Variants in ANXA4 observed in about 807,000 individuals in gnomAD.
ANXA4 encodes 35-beta calcimedin.
A neutral mutation model predicts 49.8 loss-of-function variants in ANXA4; 39 were observed. The ratio of observed to expected loss-of-function variants is 0.78; its 90% CI spans 0.61 to 1.02. The LOEUF is 1.02. ANXA4 is among the 50% of genes least tolerant of loss of function. The pLI is 0.00. For missense variants in ANXA4, 360 were observed against 410.1 expected (o/e 0.88, Z 1.05); for synonymous variants, 134 against 152.5 (o/e 0.88, Z 0.89).
At chr2:69,645,580 A>G (rs1675978520) in intron 1 of ANXA4, among the ~76,000 whole-genome samples, 1 of 152,210 alleles carries the variant, frequency 6.6e-6, no homozygotes, top group Non-Finnish European at 1.5e-5. Context: ...TTACCTTTCT[A>G]GACTTCTCTG....
chr2:69,716,356 T>C (rs1669618688), intron 2 of ANXA4, among the ~76,000 whole-genome samples: 1 of 152,052 alleles, frequency 6.6e-6, no homozygotes, highest in South Asian at 2.1e-4. Context: ...AAAGTCTTCA[T>C]AGAACAGGTG....
At chr2:69,712,419 C>T (rs1218713886) in intron 2 of ANXA4, among the ~76,000 whole-genome samples, 1 of 152,192 alleles carries the variant, frequency 6.6e-6, no homozygotes, top group East Asian at 1.9e-4. Flanking sequence ...AGGAAAATAG[C>T]TTTAATAGCC....
At chr2:69,720,164 G>A (rs1287628294) in intron 2 of ANXA4, among the ~76,000 whole-genome samples, 1 of 152,172 alleles carries the variant, frequency 6.6e-6, no homozygotes, top group East Asian at 1.9e-4. Context: ...TGTTTCATAT[G>A]CTCAGGACTT....
intron 1 of ANXA4, among the ~76,000 whole-genome samples, chr2:69,754,595 T>C (rs888468706): frequency 6.6e-6 from 1 of 152,084 alleles, no homozygotes; most frequent in Non-Finnish European, 1.5e-5. Context: ...CTGGATCCCA[T>C]CCCCAGAGTT....
At chr2:69,711,799 T>C (rs1678685993) in intron 2 of ANXA4, among the ~76,000 whole-genome samples, 1 of 151,916 alleles carries the variant, frequency 6.6e-6, no homozygotes, top group African/African-American at 2.4e-5. Flanking sequence ...GAAATAGGAC[T>C]TGAAGGGTGT....
At chr2:69,705,807 C>G (rs1171863746) in intron 2 of ANXA4, among the ~76,000 whole-genome samples, 1 of 152,216 alleles carries the variant, frequency 6.6e-6, no homozygotes, top group South Asian at 2.1e-4. Flanking sequence ...TGCCGGGCAC[C>G]TGTAGTCCCA....
At chr2:69,717,335 A>G (rs530615278) in intron 2 of ANXA4, among the ~76,000 whole-genome samples, 28 of 152,234 alleles carry the variant, frequency 1.8e-4, no homozygotes, top group Non-Finnish European at 3.8e-4. Context: ...AACTCCCACC[A>G]TGGCCCCTTT....
At position 69,810,667 on chromosome 2, in the gene ANXA4, G is replaced by A. The variant is rs1448407837; in HGVS notation, c.471G>A (p.Leu157=). The A allele has an allele frequency of 6.2e-7, 1 of 1,613,694 alleles. No individual in the cohort carries two copies. The highest frequency in any genetic ancestry group is 1.1e-5 in the South Asian group (1 of 91,074). Residue 157 remains leucine, a synonymous_variant, in exon 7 of 13, where the codon CTG becomes CTA. Coordinates refer to ENST00000394295, the MANE Select transcript of ANXA4 (RefSeq NM_001153.5). ...SFMFQRVLVS[L]SAGGRDEGNY... is the part of the protein sequence containing the mutation. Reference sequence around the variant, plus strand: ...TGTTCCAGCGAGTGCTGGTGTCTCTGTCAGCTGTGAGTGACTGCTTCTGAT... The same window carrying A: ...TGTTCCAGCGAGTGCTGGTGTCTCTATCAGCTGTGAGTGACTGCTTCTGAT...
intron 2 of ANXA4, among the ~76,000 whole-genome samples, chr2:69,656,901 T>G (rs368488461): frequency 4.6e-5 from 7 of 152,120 alleles, no homozygotes; most frequent in African/African-American, 1.7e-4. Flanking sequence ...ACAGTAGAAA[T>G]CTACAGCCTT....
intron 1 of ANXA4, among the ~76,000 whole-genome samples, chr2:69,759,781 C>G (rs987712200): frequency 6.6e-6 from 1 of 152,100 alleles, no homozygotes; most frequent in Non-Finnish European, 1.5e-5. Flanking sequence ...CATATATTAT[C>G]TTTAAAATTT....
chr2:69,788,260 G>T lies in ANXA4; in HGVS notation c.97+119G>T, dbSNP rs1242156073. 5 of 872,774 alleles carry T rather than the reference G, an allele frequency of 5.7e-6. No individual in the cohort carries two copies. In the African/African-American group the frequency reaches 8.3e-5, roughly 14 times the overall value. 54.1% of individuals were successfully genotyped at this position (872,774 alleles called of 1,614,324 possible). ...CTTCCTTTAATAAAACACAAGGGAG[G>T]CTGGGTGTGGGGCTCATGCCTGTCA... On this transcript the variant is annotated intron_variant, in intron 3 of 12. Coordinates refer to ENST00000394295, the MANE Select transcript of ANXA4 (RefSeq NM_001153.5).
At chr2:69,693,053 T>C (rs1416452597) in intron 2 of ANXA4, among the ~76,000 whole-genome samples, 1 of 152,168 alleles carries the variant, frequency 6.6e-6, no homozygotes, top group African/African-American at 2.4e-5. Flanking sequence ...CTGGGTTATA[T>C]TAGGTTAAAT....
intron 1 of ANXA4, among the ~76,000 whole-genome samples, chr2:69,766,204 T>C (rs1403876039): frequency 1.3e-5 from 2 of 152,236 alleles, no homozygotes; most frequent in African/African-American, 4.8e-5. Context: ...GTTTTTCATG[T>C]GGGTAGATTT....
At chr2:69,693,343 A>C (rs1286767117) in intron 2 of ANXA4, among the ~76,000 whole-genome samples, 1 of 152,106 alleles carries the variant, frequency 6.6e-6, no homozygotes, top group Non-Finnish European at 1.5e-5. Flanking sequence ...AGGCCGGAGA[A>C]GGAGCAGCTA....
At chr2:69,747,886 A>G (rs943758430) in intron 1 of ANXA4, among the ~76,000 whole-genome samples, 5 of 151,868 alleles carry the variant, frequency 3.3e-5, no homozygotes, top group Non-Finnish European at 5.9e-5. Context: ...GGGTCTTACT[A>G]TGTTGCCTAG....
At chr2:69,806,237 A>G (rs2103818811) in intron 4 of ANXA4, 148 bp from the exon 5 acceptor site, 1 of 597,918 alleles carries the variant, frequency 1.7e-6, no homozygotes. Flanking sequence ...AAAGGCAAAT[A>G]ACATCTGAGT....
intron 2 of ANXA4, among the ~76,000 whole-genome samples, chr2:69,687,540 G>T (rs1172669778): frequency 6.6e-6 from 1 of 151,774 alleles, no homozygotes; most frequent in Admixed American, 6.6e-5. Flanking sequence ...GGGAAGGAGA[G>T]AAAAAAGAAA....
At chr2:69,650,718 G>A (rs1676202273) in intron 1 of ANXA4, among the ~76,000 whole-genome samples, 1 of 152,116 alleles carries the variant, frequency 6.6e-6, no homozygotes. Flanking sequence ...CCTCCCAAAG[G>A]CTTGGGATTA....
intron 1 of ANXA4, among the ~76,000 whole-genome samples, chr2:69,761,325 A>G (rs1026591115): frequency 6.6e-6 from 1 of 152,202 alleles, no homozygotes; most frequent in African/African-American, 2.4e-5. Flanking sequence ...TGAAATGTTC[A>G]GTTTTCACAT....
Sources: gnomAD v4.1 joint callset for allele counts (sites outside exome capture counted in the v4.1 genomes callset) on GRCh38, gnomAD v4.1.1 for gene constraint, MANE v1.5 for transcripts, NCBI Gene and HGNC (gene_info 2026-07-23, HGNC 2026-07-21) for gene names.